Variants in LUC7L observed in about 807,000 individuals in gnomAD.
LUC7L encodes the protein putative RNA-binding protein Luc7-like 1.
A neutral mutation model predicts 51.1 loss-of-function variants in LUC7L; 29 were observed. The observed-to-expected ratio is 0.57, with a 90% CI of 0.42 to 0.77. The LOEUF (loss-of-function observed/expected upper bound fraction) is 0.77. Ranked by LOEUF, LUC7L falls within the 30% of genes least tolerant of loss-of-function variation. LUC7L has a pLI of 0.00. For missense variants in LUC7L, 403 were observed against 511.9 expected (o/e 0.79, Z 2.05); for synonymous variants, 181 against 180.7 (o/e 1.00, Z -0.01).
chr16:193,634 T>C (rs1030578873), intron 6 of LUC7L, among the ~76,000 whole-genome samples: 10 of 151,504 alleles, frequency 6.6e-5, no homozygotes, highest in African/African-American at 2.4e-4. Context: ...GTAGCTGGGA[T>C]TACAAGCGTG....
At chr16:225,903 A>ATCTTC (rs1416169533) in intron 2 of LUC7L, among the ~76,000 whole-genome samples, 1 of 152,190 alleles carries the variant, frequency 6.6e-6, no homozygotes, top group Non-Finnish European at 1.5e-5. Context: ...GCCAAGGAAA[A>ATCTTC]CATGGTTGAA....
chr16:217,482 G>A (rs563150492), intron 3 of LUC7L, among the ~76,000 whole-genome samples: 71 of 152,058 alleles, frequency 4.7e-4, no homozygotes, highest in African/African-American at 1.7e-3. Flanking sequence ...TAAGGCGGGT[G>A]GATCACCTGC....
At chr16:207,986 G>C in intron 4 of LUC7L, 92 bp downstream of exon 4, 1 of 819,136 alleles carries the variant, frequency 1.2e-6, no homozygotes, top group Non-Finnish European at 1.9e-6. Context: ...TCCAGCCTGG[G>C]TGACAGAGGG....
At chr16:212,564 A>T (rs1276041463) in intron 3 of LUC7L, among the ~76,000 whole-genome samples, 1 of 152,138 alleles carries the variant, frequency 6.6e-6, no homozygotes, top group Non-Finnish European at 1.5e-5. Flanking sequence ...TCACTCTTAT[A>T]CTGGACAACT....
chr16:206,890 T>TTA (rs1357383746), intron 4 of LUC7L, among the ~76,000 whole-genome samples: 3 of 99,566 alleles, frequency 3.0e-5, no homozygotes, highest in Admixed American at 1.2e-4. Flanking sequence ...CCATCTTTAT[T>TTA]AAAAAAAAAA....
At chr16:204,258 A>G (rs1478014633) in intron 5 of LUC7L, among the ~76,000 whole-genome samples, 1 of 151,560 alleles carries the variant, frequency 6.6e-6, no homozygotes. Flanking sequence ...AGCTTGGCCA[A>G]CACGGTGAAA....
chr16:215,211 G>C (rs922057068), intron 3 of LUC7L, among the ~76,000 whole-genome samples: 3 of 152,170 alleles, frequency 2.0e-5, no homozygotes, highest in African/African-American at 7.2e-5. Flanking sequence ...CAGTAGGCCA[G>C]GTGCAATGGA....
At chr16:196,700 G>T (rs1290299138) in intron 6 of LUC7L, among the ~76,000 whole-genome samples, 2 of 151,716 alleles carry the variant, frequency 1.3e-5, no homozygotes, top group Non-Finnish European at 2.9e-5. Flanking sequence ...GCTAATTTTT[G>T]TGTTTTCAGT....
intron 3 of LUC7L, among the ~76,000 whole-genome samples, chr16:210,844 G>A (rs2049617460): frequency 6.7e-6 from 1 of 149,896 alleles, no homozygotes. Context: ...GGGGTCAGGA[G>A]ATCGAGACCA....
chr16:217,871 TCTA>T (rs2049850364), intron 3 of LUC7L, among the ~76,000 whole-genome samples: 1 of 151,716 alleles, frequency 6.6e-6, no homozygotes, highest in Non-Finnish European at 1.5e-5. Flanking sequence ...AAACCTCATC[TCTA>T]CTAAAAATAT....
chr16:195,398 A>C (rs2049121212), intron 6 of LUC7L, among the ~76,000 whole-genome samples: 1 of 151,002 alleles, frequency 6.6e-6, no homozygotes. Context: ...ACATCAGTAC[A>C]CTCCACCCTG....
intron 3 of LUC7L, among the ~76,000 whole-genome samples, chr16:213,791 C>T (rs1004028098): frequency 7.3e-5 from 11 of 151,590 alleles, no homozygotes; most frequent in East Asian, 2.0e-4. Context: ...CTCGGCTCAC[C>T]GCAATCTCTG....
chr16:218,551 T>C (rs939840207), intron 3 of LUC7L, among the ~76,000 whole-genome samples: 7 of 151,942 alleles, frequency 4.6e-5, no homozygotes, highest in African/African-American at 7.3e-5. Context: ...CGAAACCACA[T>C]CTCTACTAAA....
chr16:212,055 A>C (rs2049657409), intron 3 of LUC7L, among the ~76,000 whole-genome samples: 1 of 152,142 alleles, frequency 6.6e-6, no homozygotes, highest in Admixed American at 6.6e-5. Context: ...GCACTTTGGG[A>C]GGCTGAGGTG....
At chr16:227,682 A>G in intron 1 of LUC7L, 1 of 1,078,522 alleles carries the variant, frequency 9.3e-7, no homozygotes, top group Non-Finnish European at 1.1e-6. Context: ...AGGTCCATGA[A>G]CCACCAAGGG....
chr16:225,694 A>T (rs1244966728), intron 2 of LUC7L, among the ~76,000 whole-genome samples: 2 of 151,422 alleles, frequency 1.3e-5, no homozygotes, highest in African/African-American at 4.8e-5. Flanking sequence ...TATGTTGATC[A>T]GGCTGGTCGC....
intron 3 of LUC7L, among the ~76,000 whole-genome samples, chr16:218,924 CAAAAAAAAAAAA>C (rs33981903): frequency 1.3e-4 from 5 of 38,824 alleles, no homozygotes; most frequent in African/African-American, 6.2e-4. Context: ...AACCCTGTCT[CAAAAAAAAAAAA>C]AAAAAAAAAA....
intron 3 of LUC7L, among the ~76,000 whole-genome samples, chr16:218,924 CAAAAAAAA>C (rs33981903): frequency 2.6e-4 from 10 of 38,824 alleles, no homozygotes; most frequent in African/African-American, 1.1e-3. Flanking sequence ...AACCCTGTCT[CAAAAAAAA>C]AAAAAAAAAA....
chr16:199,249 A>C lies in LUC7L; in HGVS notation c.511-11T>G. 6.3e-7 allele frequency: 1 copy of C among 1,575,406 alleles called. No homozygotes were observed. Among genetic ancestry groups the C allele is most frequent in the Non-Finnish European group, 8.7e-7 (1 of 1,151,700 alleles). ...ATTTCTGTATTCTTCCTGAAGAAGG[A>C]AAATGGAGAAATAAAAGTGAGGTAT... On this transcript the variant is annotated splice_polypyrimidine_tract_variant and intron_variant, in intron 5 of 9. Transcript: ENST00000293872.
Sources: allele counts gnomAD v4.1 joint callset (sites outside exome capture counted in the v4.1 genomes callset), GRCh38; gene constraint gnomAD v4.1.1; transcripts MANE v1.5; gene names NCBI Gene and HGNC (gene_info 2026-07-23, HGNC 2026-07-21).